Variants in ANO2 observed in about 807,000 individuals in gnomAD.
ANO2 encodes the protein anoctamin 2.
A neutral mutation model predicts 124.2 loss-of-function variants in ANO2; 101 were observed. The observed-to-expected ratio is 0.81, with a 90% CI of 0.69 to 0.96. ANO2 has a LOEUF of 0.96. ANO2 is among the 40% of genes least tolerant of loss of function. ANO2 has a pLI of 0.00. For synonymous variants in ANO2, 486 were observed against 482.5 expected, an observed-to-expected ratio of 1.01 and a Z score of -0.09; for missense variants, 1,293 against 1,274.5, an observed-to-expected ratio of 1.01 and a Z score of -0.22.
In ANO2 at chr12:5,860,263, T is replaced by C. The variant is rs573053346; in HGVS notation, c.535-6122A>G. On this transcript the variant is annotated intron_variant, in intron 3 of 24. Transcript: ENST00000682330. ...CTCTTCCTGAGCCGTGGATTATGCC[T>C]GGTCCCTTCCTCTTGCTTGTGCAAT... Among the ~76,000 whole-genome samples the C allele has an allele frequency of 5.3e-5, 8 of 152,294 alleles. No individual in the cohort carries two copies. The East Asian group carries it at 1.5e-3, about 29-fold the overall frequency.
intron 14 of ANO2, among the ~76,000 whole-genome samples, chr12:5,668,597 CA>C (rs373406963): frequency 1.3e-3 from 202 of 152,206 alleles, no homozygotes; most frequent in African/African-American, 4.8e-3. Context: ...TTGCTGTTAG[CA>C]ATTTTGTCAT....
At chr12:5,809,518 C>A (rs568639694) in intron 7 of ANO2, among the ~76,000 whole-genome samples, 2 of 151,886 alleles carry the variant, frequency 1.3e-5, no homozygotes, top group South Asian at 4.1e-4. Flanking sequence ...GTTGTTTTCA[C>A]CGACTTAGCT....
intron 10 of ANO2, among the ~76,000 whole-genome samples, chr12:5,796,208 C>T (rs1197656204): frequency 6.6e-6 from 1 of 151,522 alleles, no homozygotes; most frequent in Non-Finnish European, 1.5e-5. Flanking sequence ...TACACTCACA[C>T]TCTCACACTG....
chr12:5,825,668 T>A (rs779612990), intron 7 of ANO2, among the ~76,000 whole-genome samples: 1 of 152,168 alleles, frequency 6.6e-6, no homozygotes, highest in African/African-American at 2.4e-5. Flanking sequence ...GCTGGGGTGA[T>A]TGACCCAGAC....
intron 14 of ANO2, among the ~76,000 whole-genome samples, chr12:5,701,237 T>C (rs1266666087): frequency 2.0e-5 from 3 of 152,128 alleles, no homozygotes; most frequent in African/African-American, 7.2e-5. Context: ...TTTCTAAATT[T>C]CTATGAATTC....
intron 15 of ANO2, 126 bp downstream of exon 15, chr12:5,647,601 C>T (rs1252795731): frequency 4.9e-6 from 4 of 821,020 alleles, no homozygotes; most frequent in Non-Finnish European, 8.1e-6. Context: ...CCCCTCTACA[C>T]AGGACTGTGG....
chr12:5,831,779 C>T (rs1415974819), intron 5 of ANO2, among the ~76,000 whole-genome samples: 1 of 152,160 alleles, frequency 6.6e-6, no homozygotes, highest in East Asian at 1.9e-4. Context: ...TCTGCCCTTC[C>T]ATGCCCCGGC....
intron 9 of ANO2, among the ~76,000 whole-genome samples, chr12:5,802,499 T>G (rs1014196901): frequency 2.6e-5 from 4 of 152,166 alleles, no homozygotes; most frequent in African/African-American, 9.7e-5. Flanking sequence ...GAGAGTGCTG[T>G]AGACCCTTCC....
intron 1 of ANO2, among the ~76,000 whole-genome samples, chr12:5,944,365 C>T (rs115351395): frequency 0.024 from 3,594 of 152,264 alleles, 148 homozygotes; most frequent in African/African-American, 0.081. Context: ...CACATGGTCC[C>T]GGGGTGGTAT....
At chr12:5,670,238 G>C (rs1947928204) in intron 14 of ANO2, among the ~76,000 whole-genome samples, 1 of 152,214 alleles carries the variant, frequency 6.6e-6, no homozygotes, top group Non-Finnish European at 1.5e-5. Context: ...CCATGTTACA[G>C]TAGGTAATAA....
chr12:5,845,566 CAAAAA>C (rs11354500), intron 4 of ANO2, among the ~76,000 whole-genome samples: 1 of 101,426 alleles, frequency 9.9e-6, no homozygotes. Flanking sequence ...GACTACATCT[CAAAAA>C]AAAAAAAAAA....
At chr12:5,621,288 T>G (rs1035966375) in intron 16 of ANO2, among the ~76,000 whole-genome samples, 7 of 152,112 alleles carry the variant, frequency 4.6e-5, no homozygotes, top group African/African-American at 1.7e-4. Flanking sequence ...AATAAATGAA[T>G]GAGTGAATGA....
intron 1 of ANO2, among the ~76,000 whole-genome samples, chr12:5,943,533 G>A (rs572382135): frequency 2.2e-4 from 33 of 152,160 alleles, no homozygotes; most frequent in African/African-American, 8.0e-4. Context: ...AGGGATAAGG[G>A]ATAAAAGATT....
intron 14 of ANO2, among the ~76,000 whole-genome samples, chr12:5,684,566 C>T (rs919119268): frequency 2.6e-5 from 4 of 152,134 alleles, no homozygotes; most frequent in African/African-American, 9.7e-5. Flanking sequence ...TTCTTCTCAG[C>T]AACTCTACTT....
chr12:5,576,550 A>G (rs574378860), intron 22 of ANO2, among the ~76,000 whole-genome samples: 20 of 152,188 alleles, frequency 1.3e-4, no homozygotes, highest in Admixed American at 3.3e-4. Flanking sequence ...TTATTCTTGT[A>G]TCCATTTTAC....
At chr12:5,806,153 G>A in intron 8 of ANO2, 60 bp from the exon 9 acceptor site, 1 of 1,522,778 alleles carries the variant, frequency 6.6e-7, no homozygotes, top group Non-Finnish European at 9.0e-7. Context: ...AGGTGCCAAA[G>A]GAGAAAGGAT....
Position 5,829,041 on chromosome 12 carries a change from G to C in ANO2, c.841-1221C>G, listed in dbSNP as rs533307828. 4.6e-5 allele frequency among the ~76,000 whole-genome samples: 7 copies of C among 152,332 alleles called. No homozygotes were observed. The East Asian group carries it at 1.2e-3, about 25-fold the overall frequency. ...CTTCCAGAAGGAGAGATGAATGCTA[G>C]AAGAAGTGTTATTCCATCATTATTT... On this transcript the variant is annotated intron_variant, in intron 6 of 24. Transcript: ENST00000682330.
intron 10 of ANO2, among the ~76,000 whole-genome samples, chr12:5,758,751 T>C (rs1185728395): frequency 6.6e-6 from 1 of 152,194 alleles, no homozygotes; most frequent in Non-Finnish European, 1.5e-5. Context: ...ACTGACCTGA[T>C]GGAATGGAAG....
At chr12:5,570,635 A>C (rs1276786723) in intron 23 of ANO2, among the ~76,000 whole-genome samples, 3 of 152,138 alleles carry the variant, frequency 2.0e-5, no homozygotes, top group Non-Finnish European at 4.4e-5. Context: ...CACAACACAA[A>C]ATCACTGTGG....
Sources: gnomAD v4.1 joint callset for allele counts (sites outside exome capture counted in the v4.1 genomes callset) on GRCh38, gnomAD v4.1.1 for gene constraint, MANE v1.5 for transcripts, NCBI Gene and HGNC (gene_info 2026-07-23, HGNC 2026-07-21) for gene names.